The following AMZ2 variants were observed in gnomAD, a reference collection of about 807,000 sequenced individuals.
The protein encoded by AMZ2 is archaemetzincin-2.
AMZ2 carries 26 observed loss-of-function variants against 36.7 expected under a neutral mutation model. The observed-to-expected ratio is 0.71, with a 90% CI of 0.52 to 0.98. The LOEUF (loss-of-function observed/expected upper bound fraction) is 0.98, where lower values mean the gene tolerates loss of function less well. Among genes scored for constraint, AMZ2 ranks in the 50% least tolerant of loss-of-function variants. The pLI, the probability that AMZ2 is intolerant of heterozygous loss-of-function variation, is 0.00. For synonymous variants in AMZ2, 144 were observed against 149.1 expected (o/e 0.97, Z 0.25); for missense variants, 394 against 430.5 (o/e 0.92, Z 0.75).
chr17:68,228,259 G>A (rs1399268350), intron 1 of AMZ2, among the ~76,000 whole-genome samples: 26 of 152,008 alleles, frequency 1.7e-4, no homozygotes, highest in Non-Finnish European at 3.8e-4. Context: ...CTCCACCTAC[G>A]CCTTACATCA....
intron 1 of AMZ2, among the ~76,000 whole-genome samples, chr17:68,222,783 G>C (rs1247453140): frequency 6.6e-6 from 1 of 152,188 alleles, no homozygotes; most frequent in Non-Finnish European, 1.5e-5. Context: ...ATGGTAATGC[G>C]AGCAATAAGG....
At chr17:68,213,515 C>T (rs1259238995) in intron 1 of AMZ2, among the ~76,000 whole-genome samples, 2 of 152,154 alleles carry the variant, frequency 1.3e-5, no homozygotes, top group South Asian at 4.1e-4. Context: ...AATGTGCTGT[C>T]GAGAGGTCTG....
intron 1 of AMZ2, among the ~76,000 whole-genome samples, chr17:68,222,496 A>T (rs1307813494): frequency 6.6e-6 from 1 of 152,146 alleles, no homozygotes. Context: ...AGCATATTAC[A>T]TTTATTTCTG....
At chr17:68,247,688 G>C (rs1599392048), upstream of AMZ2, 15 of 985,488 alleles carry the variant, frequency 1.5e-5, no homozygotes, top group South Asian at 6.1e-4. Flanking sequence ...TCGTCACGCC[G>C]GCGATGCCTC....
chr17:68,208,507 T>C (rs537881677), intron 1 of AMZ2, among the ~76,000 whole-genome samples: 4 of 152,248 alleles, frequency 2.6e-5, no homozygotes, highest in African/African-American at 9.6e-5. Context: ...GTCAGCGCCC[T>C]GTCAAAAGAG....
intron 1 of AMZ2, among the ~76,000 whole-genome samples, chr17:68,241,568 G>GA (rs2073900694): frequency 6.6e-6 from 1 of 152,044 alleles, no homozygotes; most frequent in South Asian, 2.1e-4. Flanking sequence ...ATAAATACCA[G>GA]AAAAAACAGC....
upstream of AMZ2, chr17:68,246,531 G>A (rs1227608184): frequency 2.6e-5 from 4 of 152,218 alleles, no homozygotes; most frequent in Non-Finnish European, 4.4e-5. Context: ...TAGGCGCCCA[G>A]TCAAAAGGCA....
intron 1 of AMZ2, among the ~76,000 whole-genome samples, chr17:68,211,395 C>T (rs1419077961): frequency 6.6e-6 from 1 of 151,218 alleles, no homozygotes; most frequent in Non-Finnish European, 1.5e-5. Context: ...CCCAGCAACT[C>T]GGGAGGCTGA....
At chr17:68,225,748 A>G (rs1555729728) in intron 1 of AMZ2, among the ~76,000 whole-genome samples, 1 of 151,918 alleles carries the variant, frequency 6.6e-6, no homozygotes. Context: ...TCAGCCTCCC[A>G]AGTAGCTGGG....
At chr17:68,247,746 G>A, upstream of AMZ2, 1 of 985,542 alleles carries the variant, frequency 1.0e-6, no homozygotes, top group African/African-American at 1.7e-5. Context: ...AGACCCCAGC[G>A]ACGCGGGCGC....
intron 5 of AMZ2, among the ~76,000 whole-genome samples, chr17:68,255,343 C>T (rs1372215070): frequency 3.3e-5 from 5 of 152,158 alleles, no homozygotes; most frequent in African/African-American, 7.2e-5. Flanking sequence ...ATATTAGCAA[C>T]GTCTGGAGAC....
At chr17:68,248,023 C>A (rs1160849954), upstream of AMZ2, 4 of 986,470 alleles carry the variant, frequency 4.1e-6, no homozygotes, top group East Asian at 3.4e-4. Context: ...GGCGTGGCGC[C>A]AGTGGGCGTG....
At chr17:68,245,218 T>G (rs2073976892), upstream of AMZ2, among the ~76,000 whole-genome samples, 1 of 148,692 alleles carries the variant, frequency 6.7e-6, no homozygotes, top group East Asian at 2.0e-4. Flanking sequence ...AAAAAAAACC[T>G]AACCCCCCCG....
chr17:68,206,275 C>T, intron 1 of AMZ2: 1 of 1,292,938 alleles, frequency 7.7e-7, no homozygotes, highest in Non-Finnish European at 9.9e-7. Flanking sequence ...ACTCCTTCCC[C>T]ACCTCCTCTG....
rs2074206978 is a variant in AMZ2, at chr17:68,248,684, G to A, written c.-22G>A. 3 of 986,168 alleles carry A rather than the reference G, an allele frequency of 3.0e-6. No homozygotes were observed. Among genetic ancestry groups the A allele is most frequent in the Non-Finnish European group, 3.6e-6 (3 of 830,362 alleles). 61.1% of individuals were successfully genotyped at this position (986,168 alleles called of 1,614,324 possible). A position where few individuals can be genotyped will look rare whatever the true frequency, so the allele number is the denominator to read the frequency against. On this transcript the variant is annotated 5_prime_UTR_variant, in exon 1 of 7. Transcript: ENST00000359904. Reference sequence around the variant, plus strand: ...TCCTTGTAAGTTAAAAGCTTCCATGGGAGCCTTCCTTCCTAATCAAGGTAG... The same window carrying A: ...TCCTTGTAAGTTAAAAGCTTCCATGAGAGCCTTCCTTCCTAATCAAGGTAG...
chr17:68,250,749 A>G, intron 2 of AMZ2, 45 bp from the exon 3 acceptor site: 3 of 1,489,098 alleles, frequency 2.0e-6, no homozygotes, highest in Non-Finnish European at 2.7e-6. Context: ...TAAACACTGA[A>G]TAATCATCTT....
Position 68,235,229 on chromosome 17 carries a change from C to A in AMZ2, c.-66-13411C>A, listed in dbSNP as rs8076542. On this transcript the variant is annotated intron_variant, in intron 1 of 7. Transcript: ENST00000674770. The surrounding 1 kb of genome is among the most constrained non-coding windows in gnomAD (Gnocchi z 4.2). ...CAGCGCTGGTTTCTTAGCAAAAAAA[C>A]AACTTGTTAAATGTCAGGGCTTTGT... is the stretch of plus-strand genomic sequence containing the variant. Among the ~76,000 whole-genome samples, 34,616 of 152,080 alleles carry A rather than the reference C, an allele frequency of 0.23. 4,702 individuals are homozygous for A. Among genetic ancestry groups the A allele is most frequent in the African/African-American group, 0.38 (15,640 of 41,474 alleles).
rs2074199180 is a variant in AMZ2, at chr17:68,248,617, C to G, written c.-89C>G. ...TGCCTTTTTAATATTAAGATGAAGT[C>G]ACACTCCACAACTTTCTTCCAGCCA... On this transcript the variant is annotated 5_prime_UTR_variant, in exon 1 of 7. An upstream open reading frame in the 5' UTR gains an earlier in-frame stop. Coordinates refer to ENST00000359904, the MANE Select transcript of AMZ2 (RefSeq NM_016627.5). The G allele has an allele frequency of 1.0e-6, 1 of 985,804 alleles. No homozygotes were observed. Among genetic ancestry groups the G allele is most frequent in the Non-Finnish European group, 1.2e-6 (1 of 830,002 alleles). The allele number at this position is 985,804 out of a possible 1,614,324, so 61.1% of individuals were successfully genotyped here.
At position 68,250,552 on chromosome 17, in the gene AMZ2, T is replaced by C. The variant is rs367834474; in HGVS notation, c.283+82T>C. On this transcript the variant is annotated intron_variant, in intron 2 of 6. Transcript: ENST00000359904. ...GAATAGTCCAGGCTATGGGTCTGAT[T>C]CAGATGGGCCGTTTTAGGATCGTTT... 5.3e-6 allele frequency: 8 copies of C among 1,505,456 alleles called. No individual in the cohort carries two copies. In the African/African-American group the frequency reaches 8.4e-5, roughly 16 times the overall value. The allele number at this position is 1,505,456 out of a possible 1,614,324, so 93.3% of individuals were successfully genotyped here. A position where few individuals can be genotyped will look rare whatever the true frequency, so the allele number is the denominator to read the frequency against.
Sources: allele counts gnomAD v4.1 joint callset (sites outside exome capture counted in the v4.1 genomes callset), GRCh38; gene constraint gnomAD v4.1.1; non-coding constraint Gnocchi (gnomAD v3.1); transcripts MANE v1.5; gene names NCBI Gene and HGNC (gene_info 2026-07-23, HGNC 2026-07-21).